Variants in PDE1C observed in about 807,000 individuals in gnomAD.
The protein encoded by PDE1C is dual specificity calcium/calmodulin-dependent 3',5'-cyclic nucleotide phosphodiesterase 1C.
PDE1C carries 62 observed loss-of-function variants against 93.1 expected under a neutral mutation model. The observed-to-expected ratio is 0.67, with a 90% CI of 0.54 to 0.82. PDE1C has a LOEUF of 0.82. Among genes scored for constraint, PDE1C ranks in the 40% least tolerant of loss-of-function variants. The pLI is 0.00. For missense variants in PDE1C, 742 were observed against 884.6 expected, an observed-to-expected ratio of 0.84 and a Z score of 2.04; for synonymous variants, 325 against 310.1, an observed-to-expected ratio of 1.05 and a Z score of -0.50.
intron 2 of PDE1C, among the ~76,000 whole-genome samples, chr7:32,012,686 T>C (rs1318252633): frequency 6.6e-6 from 1 of 152,202 alleles, no homozygotes; most frequent in East Asian, 1.9e-4. Flanking sequence ...TTATCCTGAA[T>C]ATAGTGATTG....
chr7:32,334,266 T>C (rs6977196), intron 1 of PDE1C, among the ~76,000 whole-genome samples: 46,537 of 152,058 alleles, frequency 0.31, 8,183 homozygotes, highest in East Asian at 0.52. Flanking sequence ...TGGATCTTTT[T>C]AATTTTGGAT....
At chr7:31,710,173 G>T in the PDE1C span, among the ~76,000 whole-genome samples, 1 of 152,062 alleles carries the variant, frequency 6.6e-6, no homozygotes, top group Non-Finnish European at 1.5e-5. Context: ...CTAAAGAAAA[G>T]AAATTAAAAG....
chr7:31,959,403 A>G lies in PDE1C; in HGVS notation c.129-78543T>C, dbSNP rs1022829628. Reference sequence around the variant, plus strand: ...AATTTTTGTAGTTTTTAGTAGAGAAAAGGCTTCACTATGATGGCCAGGCTG... The same window carrying G: ...AATTTTTGTAGTTTTTAGTAGAGAAGAGGCTTCACTATGATGGCCAGGCTG... On this transcript the variant is annotated intron_variant, in intron 2 of 17. Transcript: ENST00000396191. Among the ~76,000 whole-genome samples, 10 of 152,050 alleles carry G rather than the reference A, an allele frequency of 6.6e-5. 1 individual carries two copies. The highest frequency in any genetic ancestry group is 1.5e-4 in the Non-Finnish European group (10 of 68,010).
At chr7:31,678,047 C>T in the PDE1C span, among the ~76,000 whole-genome samples, 1 of 152,034 alleles carries the variant, frequency 6.6e-6, no homozygotes, top group African/African-American at 2.4e-5. Context: ...GATAAACTCA[C>T]AAATATACAC....
the PDE1C span, among the ~76,000 whole-genome samples, chr7:31,620,554 C>T: frequency 2.0e-5 from 3 of 151,434 alleles, no homozygotes; most frequent in East Asian, 5.8e-4. Context: ...AGGGTCCTGT[C>T]TGTTAGAAGG....
intron 2 of PDE1C, among the ~76,000 whole-genome samples, chr7:31,884,327 G>A (rs1349625841): frequency 6.6e-6 from 1 of 151,898 alleles, no homozygotes; most frequent in African/African-American, 2.4e-5. Flanking sequence ...TGAATTTTAG[G>A]GAGCATCTGC....
At chr7:31,863,940 G>A (rs1020391334) in intron 7 of PDE1C, among the ~76,000 whole-genome samples, 3 of 152,110 alleles carry the variant, frequency 2.0e-5, no homozygotes, top group African/African-American at 7.2e-5. Context: ...TTTTAATTCA[G>A]TGAGATATTA....
chr7:32,215,860 C>A (rs1020546301), intron 1 of PDE1C, among the ~76,000 whole-genome samples: 21 of 152,238 alleles, frequency 1.4e-4, no homozygotes, highest in Admixed American at 1.3e-3. Flanking sequence ...ACACAGTGAG[C>A]AGCAGACCCA....
the PDE1C span, among the ~76,000 whole-genome samples, chr7:31,646,736 T>A: frequency 3.5e-4 from 53 of 152,254 alleles, no homozygotes; most frequent in South Asian, 3.7e-3. Context: ...TGTGGCCCAT[T>A]ATGCTCAGTA....
chr7:31,983,195 A>G (rs1468797902), intron 2 of PDE1C, among the ~76,000 whole-genome samples: 2 of 152,208 alleles, frequency 1.3e-5, no homozygotes, highest in South Asian at 2.1e-4. Flanking sequence ...ACATCTCCCA[A>G]TTACTCCTGG....
intron 1 of PDE1C, among the ~76,000 whole-genome samples, chr7:32,247,314 G>T (rs1809038160): frequency 8.1e-6 from 1 of 122,796 alleles, no homozygotes; most frequent in Non-Finnish European, 1.8e-5. Context: ...TTTATTTATT[G>T]TCTGTCTGTA....
At chr7:32,358,666 C>G (rs781618689) in intron 1 of PDE1C, among the ~76,000 whole-genome samples, 40 of 152,248 alleles carry the variant, frequency 2.6e-4, no homozygotes, top group Non-Finnish European at 3.4e-4. Flanking sequence ...CTACTGGGTG[C>G]AGGGAGTGTT....
chr7:31,686,449 A>G, the PDE1C span, among the ~76,000 whole-genome samples: 1,925 of 152,042 alleles, frequency 0.013, 21 homozygotes, highest in Middle Eastern at 0.02. Flanking sequence ...GAAGGAGGAA[A>G]TTTTTTCTGG....
intron 2 of PDE1C, among the ~76,000 whole-genome samples, chr7:31,995,226 A>C (rs1430753102): frequency 2.0e-5 from 3 of 152,162 alleles, no homozygotes; most frequent in African/African-American, 7.2e-5. Flanking sequence ...TACTGCCCAA[A>C]GGGTTCCTAA....
the PDE1C span, among the ~76,000 whole-genome samples, chr7:31,717,210 C>T: frequency 1.3e-5 from 2 of 152,164 alleles, no homozygotes; most frequent in Non-Finnish European, 2.9e-5. Flanking sequence ...TTACAAGTTA[C>T]AATGTACTAA....
At chr7:32,324,579 A>G (rs1783367059) in intron 1 of PDE1C, among the ~76,000 whole-genome samples, 1 of 152,260 alleles carries the variant, frequency 6.6e-6, no homozygotes, top group Non-Finnish European at 1.5e-5. Context: ...GGATTCCACA[A>G]TTAAATAAGC....
intron 3 of PDE1C, among the ~76,000 whole-genome samples, chr7:32,126,518 G>A (rs1344541435): frequency 6.6e-6 from 1 of 152,030 alleles, no homozygotes; most frequent in Non-Finnish European, 1.5e-5. Flanking sequence ...GATAACTAAG[G>A]AAAAAGTAAA....
intron 2 of PDE1C, among the ~76,000 whole-genome samples, chr7:31,975,366 T>A (rs946702151): frequency 2.0e-5 from 3 of 152,176 alleles, no homozygotes; most frequent in African/African-American, 4.8e-5. Context: ...GACAAAAGCA[T>A]CTGCAATTCT....
intron 1 of PDE1C, among the ~76,000 whole-genome samples, chr7:32,326,597 G>C (rs1783407979): frequency 6.6e-6 from 1 of 152,166 alleles, no homozygotes; most frequent in Non-Finnish European, 1.5e-5. Flanking sequence ...TTGACTATTA[G>C]ACTTAGTAAT....
Sources: allele counts gnomAD v4.1 joint callset (sites outside exome capture counted in the v4.1 genomes callset), GRCh38; gene constraint gnomAD v4.1.1; transcripts MANE v1.5; gene names NCBI Gene and HGNC (gene_info 2026-07-23, HGNC 2026-07-21).